The following HMGA1 variants were observed in gnomAD, a reference collection of about 807,000 sequenced individuals.
HMGA1 encodes the protein high mobility group AT-hook 1.
HMGA1 carries 1 observed loss-of-function variant against 15.1 expected under a neutral mutation model. The ratio of observed to expected loss-of-function variants is 0.07; its 90% CI spans 0.02 to 0.31. The LOEUF is 0.31. HMGA1 is among the 10% of genes least tolerant of loss of function. The pLI, the probability that HMGA1 is intolerant of heterozygous loss-of-function variation, is 1.00. For missense variants in HMGA1, 94 were observed against 141.4 expected (o/e 0.66, Z 1.70); for synonymous variants, 56 against 54.8 (o/e 1.02, Z -0.10).
intron 2 of HMGA1, among the ~76,000 whole-genome samples, chr6:34,238,640 G>C (rs546937733): frequency 6.6e-6 from 1 of 152,358 alleles, no homozygotes; most frequent in African/African-American, 2.4e-5. Flanking sequence ...ATTACAAAGT[G>C]AGGGATTGGG....
intron 3 of HMGA1, 55 bp downstream of exon 3, chr6:34,240,970 C>G: frequency 6.2e-7 from 1 of 1,602,646 alleles, no homozygotes; most frequent in Non-Finnish European, 8.5e-7. Flanking sequence ...TAGGGAGGTG[C>G]CTGGAGTTTC....
chr6:34,242,878 G>A, intron 4 of HMGA1, 83 bp downstream of exon 4: 1 of 998,792 alleles, frequency 1.0e-6, no homozygotes, highest in Non-Finnish European at 1.6e-6. Context: ...GCTGTGGGGA[G>A]GTCTGGGAAG....
intron 5 of HMGA1, among the ~76,000 whole-genome samples, chr6:34,244,176 G>C (rs1372693938): frequency 6.6e-6 from 1 of 151,952 alleles, no homozygotes; most frequent in East Asian, 1.9e-4. Context: ...TGCTGGGGTG[G>C]GGGGGTTAGG....
chr6:34,241,264 C>T (rs949155027), intron 3 of HMGA1, among the ~76,000 whole-genome samples: 12 of 152,266 alleles, frequency 7.9e-5, no homozygotes, highest in African/African-American at 2.9e-4. Context: ...TTTTAAAATG[C>T]AGTAAAGACG....
At position 34,245,135 on chromosome 6, in the gene HMGA1, C is replaced by T. The variant is rs1032730483; in HGVS notation, c.*251C>T. Reference sequence around the variant, plus strand: ...GTTCCCAGCTCCCCCCGCCCACCCACGCATACACACATGCCCTCCTGGACA... The same window carrying T: ...GTTCCCAGCTCCCCCCGCCCACCCATGCATACACACATGCCCTCCTGGACA... On this transcript the variant is annotated 3_prime_UTR_variant, in exon 6 of 6. Transcript: ENST00000311487. The T allele has an allele frequency of 7.7e-5, 115 of 1,493,778 alleles. 1 individual carries two copies. Among genetic ancestry groups the T allele is most frequent in the South Asian group, 2.8e-4 (23 of 82,726 alleles). 92.5% of individuals were successfully genotyped at this position (1,493,778 alleles called of 1,614,324 possible). A position where few individuals can be genotyped will look rare whatever the true frequency, so the allele number is the denominator to read the frequency against.
At chr6:34,237,496 C>T (rs1761872581) in intron 2 of HMGA1, among the ~76,000 whole-genome samples, 179 bp downstream of exon 2, 1 of 143,788 alleles carries the variant, frequency 7.0e-6, no homozygotes, top group Non-Finnish European at 1.5e-5. Flanking sequence ...GGGCGGGCGG[C>T]GGGGCCCGGC....
intron 2 of HMGA1, among the ~76,000 whole-genome samples, chr6:34,239,295 A>C: frequency 6.6e-6 from 1 of 150,690 alleles, no homozygotes; most frequent in Middle Eastern, 3.4e-3. Context: ...TAAATTAGAC[A>C]TGGGAGTCCC....
intron 2 of HMGA1, among the ~76,000 whole-genome samples, chr6:34,240,424 A>G (rs1762204405): frequency 6.6e-6 from 1 of 152,126 alleles, no homozygotes; most frequent in Admixed American, 6.5e-5. Flanking sequence ...GGCCTCACCC[A>G]TGTAGCTAGG....
intron 3 of HMGA1, 94 bp downstream of exon 3, chr6:34,241,009 G>GT: frequency 1.4e-6 from 2 of 1,430,814 alleles, no homozygotes; most frequent in Non-Finnish European, 2.0e-6. Flanking sequence ...TGCATGGAGG[G>GT]TGCAGAATGA....
intron 5 of HMGA1, among the ~76,000 whole-genome samples, chr6:34,243,892 A>C (rs550359013): frequency 1.4e-4 from 21 of 152,102 alleles, no homozygotes; most frequent in Non-Finnish European, 2.2e-4. Context: ...TGTCCTTCCT[A>C]TGAGCCTCTG....
Position 34,245,339 on chromosome 6 carries a change from C to A in HMGA1, c.*455C>A. ...CCCTGGCCTTAAAAGGGGCCCAAGCCCCATCTCATCCTGGCACGCCCTACT... is the reference window on the plus strand; with the variant it reads ...CCCTGGCCTTAAAAGGGGCCCAAGCACCATCTCATCCTGGCACGCCCTACT... On this transcript the variant is annotated 3_prime_UTR_variant, in exon 6 of 6. Transcript: ENST00000311487. The A allele has an allele frequency of 1.5e-6, 2 of 1,364,986 alleles. No homozygotes were observed. The highest frequency in any genetic ancestry group is 1.9e-6 in the Non-Finnish European group (2 of 1,036,022). 84.6% of individuals were successfully genotyped at this position (1,364,986 alleles called of 1,614,324 possible).
chr6:34,239,147 C>T (rs1313225512), intron 2 of HMGA1, among the ~76,000 whole-genome samples: 1 of 152,190 alleles, frequency 6.6e-6, no homozygotes, highest in Non-Finnish European at 1.5e-5. Context: ...AGAATAATTA[C>T]CAAAGTCCTG....
intron 2 of HMGA1, among the ~76,000 whole-genome samples, chr6:34,238,390 CAA>C (rs1486486881): frequency 6.6e-6 from 1 of 152,160 alleles, no homozygotes; most frequent in Non-Finnish European, 1.5e-5. Context: ...GGCGGGTAGG[CAA>C]AGTGTCGGGT....
chr6:34,242,693 ACC>A lies in HMGA1; in HGVS notation c.136-15_136-14del, dbSNP rs139876191. On this transcript the variant is annotated splice_polypyrimidine_tract_variant and intron_variant, in intron 3 of 5. Coordinates refer to ENST00000311487, the MANE Select transcript of HMGA1 (RefSeq NM_145899.3). ...AAACAGGTGATGACTGTCCCTGACT[ACC>A]CCCTCTGTCTTTACAGAAGGAGCCC... The A allele has an allele frequency of 2.6e-6, 4 of 1,537,396 alleles. No individual in the cohort carries two copies. The African/African-American group carries it at 4.1e-5, about 16-fold the overall frequency.
rs1180089991 is a variant in HMGA1, at chr6:34,245,680, G to A, written c.*796G>A. ...GCCCTGTGGCCGCCACCTGAGGTGGGCTGGGGCTGCTCCCCTAACCCTACT... is the reference window on the plus strand; with the variant it reads ...GCCCTGTGGCCGCCACCTGAGGTGGACTGGGGCTGCTCCCCTAACCCTACT... On this transcript the variant is annotated 3_prime_UTR_variant, in exon 6 of 6. Transcript: ENST00000311487. 14 of 1,186,226 alleles carry A rather than the reference G, an allele frequency of 1.2e-5. No individual in the cohort carries two copies. The East Asian group carries it at 1.4e-4, about 12-fold the overall frequency. 73.5% of individuals were successfully genotyped at this position (1,186,226 alleles called of 1,614,324 possible). A position where few individuals can be genotyped will look rare whatever the true frequency, so the allele number is the denominator to read the frequency against.
intron 2 of HMGA1, among the ~76,000 whole-genome samples, chr6:34,238,258 C>T (rs893748548): frequency 2.0e-5 from 3 of 152,068 alleles, no homozygotes; most frequent in Non-Finnish European, 2.9e-5. Flanking sequence ...CGCCCCTCCC[C>T]CCGCGCGCCC....
chr6:34,241,136 A>G (rs1323177820), intron 3 of HMGA1, among the ~76,000 whole-genome samples: 1 of 152,190 alleles, frequency 6.6e-6, no homozygotes, highest in Non-Finnish European at 1.5e-5. Context: ...CGAGGAATTC[A>G]AGATAAATTC....
At chr6:34,241,028 A>C in intron 3 of HMGA1, 113 bp downstream of exon 3, 1 of 1,250,958 alleles carries the variant, frequency 8.0e-7, no homozygotes, top group Non-Finnish European at 1.1e-6. Flanking sequence ...GATTCTGCGC[A>C]GTAAGCGTGT....
In HMGA1 at chr6:34,245,254, C is replaced by T. The variant is rs777999103; in HGVS notation, c.*370C>T. 24 of 1,377,900 alleles carry T rather than the reference C, an allele frequency of 1.7e-5. No homozygotes were observed. The highest frequency in any genetic ancestry group is 7.3e-5 in the South Asian group (6 of 81,716). 85.4% of individuals were successfully genotyped at this position (1,377,900 alleles called of 1,614,324 possible). A position where few individuals can be genotyped will look rare whatever the true frequency, so the allele number is the denominator to read the frequency against. ...GCTCTCTGGGCTTTTGGTTTGGGGG[C>T]GCCCTCTCTGCTCCTTCACTGTTCC... On this transcript the variant is annotated 3_prime_UTR_variant, in exon 6 of 6. Coordinates refer to ENST00000311487, the MANE Select transcript of HMGA1 (RefSeq NM_145899.3).
Sources: allele counts gnomAD v4.1 joint callset (sites outside exome capture counted in the v4.1 genomes callset), GRCh38; gene constraint gnomAD v4.1.1; transcripts MANE v1.5; gene names NCBI Gene and HGNC (gene_info 2026-07-23, HGNC 2026-07-21).